SLC39A11: variants seen among roughly 807,000 people sequenced by gnomAD.
SLC39A11 encodes zinc transporter ZIP11.
In SLC39A11, 33 loss-of-function variants were observed where a neutral mutation model predicts 36.1. The observed-to-expected ratio is 0.91, with a 90% CI of 0.69 to 1.22. The LOEUF (loss-of-function observed/expected upper bound fraction) is 1.22, where lower values mean the gene tolerates loss of function less well. Among genes scored for constraint, SLC39A11 ranks in the 50% most tolerant of loss-of-function variants. The probability of loss-of-function intolerance (pLI) is 0.00; values close to 1 mark genes in which losing one functional copy is unlikely to be tolerated. For missense variants in SLC39A11, 432 were observed against 430.3 expected (o/e 1.00, Z -0.03); for synonymous variants, 166 against 170.3 (o/e 0.97, Z 0.20).
intron 4 of SLC39A11, among the ~76,000 whole-genome samples, chr17:72,964,418 G>C (rs1364798057): frequency 1.3e-5 from 2 of 152,212 alleles, no homozygotes; most frequent in African/African-American, 4.8e-5. Flanking sequence ...CCAGGGAGAT[G>C]TAAGGGTATA....
At chr17:72,844,208 A>G (rs1463112961) in intron 6 of SLC39A11, among the ~76,000 whole-genome samples, 5 of 152,184 alleles carry the variant, frequency 3.3e-5, no homozygotes, top group Non-Finnish European at 7.3e-5. Context: ...GGTCCTCATC[A>G]AAGACATGAA....
At chr17:72,896,561 C>T (rs1031969911) in intron 5 of SLC39A11, among the ~76,000 whole-genome samples, 4 of 151,950 alleles carry the variant, frequency 2.6e-5, no homozygotes, top group Admixed American at 6.6e-5. Flanking sequence ...AACAGCGTAC[C>T]GAAAGATGAA....
chr17:72,953,835 G>A (rs2086046813), intron 4 of SLC39A11, among the ~76,000 whole-genome samples: 1 of 152,190 alleles, frequency 6.6e-6, no homozygotes, highest in South Asian at 2.1e-4. Flanking sequence ...TAACAACCGT[G>A]TCTGAGGATG....
chr17:72,967,496 G>A (rs548314696), intron 4 of SLC39A11, among the ~76,000 whole-genome samples: 5 of 151,710 alleles, frequency 3.3e-5, no homozygotes, highest in South Asian at 2.1e-4. Context: ...CAGAGTGCCC[G>A]CCCAGGAAGC....
At chr17:72,814,971 T>C (rs1341184000) in intron 6 of SLC39A11, among the ~76,000 whole-genome samples, 2 of 152,090 alleles carry the variant, frequency 1.3e-5, no homozygotes, top group African/African-American at 4.8e-5. Context: ...CTTCCTTCAA[T>C]CCTAAGGAAT....
chr17:72,719,238 A>G (rs2567505), intron 7 of SLC39A11, among the ~76,000 whole-genome samples: 46,626 of 151,900 alleles, frequency 0.31, 9,069 homozygotes, highest in African/African-American at 0.55. Flanking sequence ...CAAAGACTCT[A>G]TCTCAAAAAA....
intron 6 of SLC39A11, among the ~76,000 whole-genome samples, chr17:72,807,025 T>G (rs924160539): frequency 6.6e-6 from 1 of 152,230 alleles, no homozygotes; most frequent in Non-Finnish European, 1.5e-5. Flanking sequence ...ATTCTATTTT[T>G]AAGAGATTTC....
chr17:72,844,516 A>C (rs1487730458), intron 6 of SLC39A11, among the ~76,000 whole-genome samples: 2 of 152,152 alleles, frequency 1.3e-5, no homozygotes, highest in African/African-American at 2.4e-5. Flanking sequence ...CAAAAATACA[A>C]AAAGTAGCCA....
intron 4 of SLC39A11, among the ~76,000 whole-genome samples, chr17:72,990,992 T>C (rs1364650317): frequency 6.6e-6 from 1 of 152,216 alleles, no homozygotes; most frequent in African/African-American, 2.4e-5. Flanking sequence ...TTTTTAAGAC[T>C]CCTTCTTAAG....
intron 2 of SLC39A11, 127 bp from the exon 3 acceptor site, chr17:73,084,973 G>GCTA: frequency 1.1e-6 from 1 of 944,686 alleles, no homozygotes; most frequent in East Asian, 2.6e-5. Context: ...GAGCTCGTGA[G>GCTA]CTACTCAGTT....
At chr17:72,845,231 A>G (rs1260251572) in intron 6 of SLC39A11, among the ~76,000 whole-genome samples, 1 of 152,252 alleles carries the variant, frequency 6.6e-6, no homozygotes, top group African/African-American at 2.4e-5. Context: ...GCAATGGCTC[A>G]TCACACACAG....
In SLC39A11 at chr17:72,839,864, T is replaced by G. The variant is rs542792406; in HGVS notation, c.601+9770A>C. On this transcript the variant is annotated intron_variant, in intron 6 of 9. Transcript: ENST00000255559. ...TGGTAACTCCTTGATGAACTGAGTCTGATGCAGCTGGAGTGAGAACCACGC... is the reference window on the plus strand; with the variant it reads ...TGGTAACTCCTTGATGAACTGAGTCGGATGCAGCTGGAGTGAGAACCACGC... 57 of 152,354 alleles carry G rather than the reference T, an allele frequency of 3.7e-4. 1 individual carries two copies. The highest frequency in any genetic ancestry group is 1.3e-3 in the African/African-American group (54 of 41,574). The allele number at this position is 152,354 out of a possible 1,614,324, so 9.4% of individuals were successfully genotyped here.
intron 3 of SLC39A11, among the ~76,000 whole-genome samples, chr17:73,045,087 T>C (rs1414026384): frequency 6.6e-6 from 1 of 151,994 alleles, no homozygotes; most frequent in Non-Finnish European, 1.5e-5. Flanking sequence ...ATGTTGGGTA[T>C]CCAGGTTCTG....
chr17:72,726,303 C>T (rs114890773), intron 7 of SLC39A11, among the ~76,000 whole-genome samples: 39 of 152,232 alleles, frequency 2.6e-4, no homozygotes, highest in African/African-American at 9.4e-4. Context: ...GAGACTCCTC[C>T]CCGCCACAAC....
intron 5 of SLC39A11, among the ~76,000 whole-genome samples, chr17:72,890,422 G>C (rs2081672326): frequency 6.6e-6 from 1 of 152,174 alleles, no homozygotes; most frequent in Non-Finnish European, 1.5e-5. Context: ...AGCAAAATCA[G>C]CAGGGCTTGG....
intron 7 of SLC39A11, among the ~76,000 whole-genome samples, chr17:72,701,727 CAAAAAAAAA>C (rs57220008): frequency 7.9e-5 from 7 of 88,854 alleles, no homozygotes; most frequent in Non-Finnish European, 1.5e-4. Context: ...GATTCTGTCT[CAAAAAAAAA>C]AAAAAAAAAA....
In SLC39A11 at chr17:72,856,442, A is replaced by C. The variant is rs2079644874; in HGVS notation, c.431-6638T>G. Among the ~76,000 whole-genome samples, 3 of 152,302 alleles carry C rather than the reference A, an allele frequency of 2.0e-5. No individual in the cohort carries two copies. The East Asian group carries it at 5.8e-4, about 29-fold the overall frequency. On this transcript the variant is annotated intron_variant, in intron 5 of 9. Coordinates refer to ENST00000255559, the MANE Select transcript of SLC39A11 (RefSeq NM_139177.4). ...TACAGACACTGGTAATTTTCCTGTG[A>C]TCCGCTTAGGTTTGTCAATGAGACC... is the stretch of plus-strand genomic sequence containing the variant.
intron 3 of SLC39A11, among the ~76,000 whole-genome samples, chr17:73,081,630 CAT>C (rs1189049028): frequency 1.9e-4 from 5 of 26,910 alleles, no homozygotes; most frequent in Admixed American, 4.4e-4. Flanking sequence ...TATATATATA[CAT>C]ACACACACAC....
chr17:72,828,692 G>A (rs1377052711), intron 6 of SLC39A11, among the ~76,000 whole-genome samples: 1 of 152,178 alleles, frequency 6.6e-6, no homozygotes, highest in Non-Finnish European at 1.5e-5. Context: ...GGGTGCCCCC[G>A]GGGAGGTGGA....
Sources: allele counts gnomAD v4.1 joint callset (sites outside exome capture counted in the v4.1 genomes callset), GRCh38; gene constraint gnomAD v4.1.1; transcripts MANE v1.5; gene names NCBI Gene and HGNC (gene_info 2026-07-23, HGNC 2026-07-21).